Variants in FER observed in about 807,000 individuals in gnomAD.
FER encodes the protein FER tyrosine kinase.
Under a neutral mutation model 111.0 loss-of-function variants are expected in FER, and 63 were observed. The observed-to-expected ratio is 0.57, with a 90% CI of 0.46 to 0.70. The LOEUF (loss-of-function observed/expected upper bound fraction) is 0.70. Among genes scored for constraint, FER ranks in the 30% least tolerant of loss-of-function variants. The probability of loss-of-function intolerance (pLI) is 0.00; values close to 1 mark genes in which losing one functional copy is unlikely to be tolerated. For synonymous variants in FER, 327 were observed against 313.9 expected (o/e 1.04, Z -0.44); for missense variants, 914 against 954.0 (o/e 0.96, Z 0.55).
chr5:108,927,391 G>C (rs564216215), intron 10 of FER, among the ~76,000 whole-genome samples: 1 of 151,730 alleles, frequency 6.6e-6, no homozygotes, highest in East Asian at 1.9e-4. Flanking sequence ...CTCCCGAGTA[G>C]CTGGGACTAC....
At chr5:108,991,487 A>G (rs958024438) in intron 13 of FER, among the ~76,000 whole-genome samples, 4 of 152,290 alleles carry the variant, frequency 2.6e-5, no homozygotes, top group Admixed American at 2.6e-4. Flanking sequence ...AAGATGTATC[A>G]TTAAAAGAAA....
intron 13 of FER, among the ~76,000 whole-genome samples, chr5:108,996,587 T>C (rs911088529): frequency 6.6e-6 from 1 of 152,232 alleles, no homozygotes; most frequent in African/African-American, 2.4e-5. Context: ...GTGGTGTTAT[T>C]TCTGAGGCCT....
At chr5:108,878,170 G>T (rs1765287564) in intron 8 of FER, among the ~76,000 whole-genome samples, 1 of 152,096 alleles carries the variant, frequency 6.6e-6, no homozygotes, top group African/African-American at 2.4e-5. Context: ...GCCTCCCAAA[G>T]TGCTGCGATT....
At chr5:109,004,086 G>C (rs1765186212) in intron 13 of FER, among the ~76,000 whole-genome samples, 2 of 152,152 alleles carry the variant, frequency 1.3e-5, no homozygotes, top group Admixed American at 1.3e-4. Flanking sequence ...ATGAGGAAGT[G>C]AGCACTCTCA....
chr5:109,116,252 C>T (rs1463504394), intron 17 of FER, among the ~76,000 whole-genome samples: 1 of 151,894 alleles, frequency 6.6e-6, no homozygotes, highest in Non-Finnish European at 1.5e-5. Context: ...ATGATGTTTG[C>T]CAGTTTTCTT....
intron 18 of FER, among the ~76,000 whole-genome samples, chr5:109,185,836 G>A (rs969538573): frequency 1.3e-5 from 2 of 152,118 alleles, no homozygotes; most frequent in African/African-American, 2.4e-5. Context: ...GCGTCGTTAC[G>A]CAGTTTCATC....
chr5:109,023,590 T>C (rs1399678163), intron 13 of FER, among the ~76,000 whole-genome samples: 7 of 152,156 alleles, frequency 4.6e-5, no homozygotes. Flanking sequence ...TGCCAATCTA[T>C]CTAAATGGTT....
At chr5:108,876,404 C>T (rs1367515877) in intron 8 of FER, among the ~76,000 whole-genome samples, 2 of 152,208 alleles carry the variant, frequency 1.3e-5, no homozygotes, top group Non-Finnish European at 2.9e-5. Context: ...ACACTCATTA[C>T]TTCACACATC....
intron 13 of FER, among the ~76,000 whole-genome samples, chr5:109,008,972 AAACAACAAC>A (rs375685208): frequency 2.6e-5 from 4 of 151,774 alleles, no homozygotes; most frequent in Admixed American, 6.6e-5. Flanking sequence ...CTCCATCTCA[AAACAACAAC>A]AACAACAACA....
chr5:109,098,354 CAGG>C (rs1561891925), intron 16 of FER, among the ~76,000 whole-genome samples: 1 of 151,542 alleles, frequency 6.6e-6, no homozygotes, highest in Non-Finnish European at 1.5e-5. Flanking sequence ...TTTTAAAAGG[CAGG>C]AGGCAGATGA....
At chr5:108,875,633 T>C (rs2150258621) in intron 8 of FER, among the ~76,000 whole-genome samples, 1 of 152,308 alleles carries the variant, frequency 6.6e-6, no homozygotes, top group South Asian at 2.1e-4. Context: ...TTTCGTGCTT[T>C]TTGTCATTAT....
At chr5:108,766,372 G>C (rs964363691) in intron 1 of FER, among the ~76,000 whole-genome samples, 1 of 152,178 alleles carries the variant, frequency 6.6e-6, no homozygotes, top group Non-Finnish European at 1.5e-5. Flanking sequence ...CATTCATTTG[G>C]TAGTCACTTG....
At chr5:109,041,506 T>C (rs1032791065) in intron 14 of FER, among the ~76,000 whole-genome samples, 2 of 151,410 alleles carry the variant, frequency 1.3e-5, no homozygotes, top group Admixed American at 6.6e-5. Flanking sequence ...CAACCGGAAG[T>C]TGAAATGAAT....
At position 109,167,190 on chromosome 5, in the gene FER, G is replaced by A. The variant is rs139494472; in HGVS notation, c.2049-13557G>A. Among the ~76,000 whole-genome samples, 1,234 of 152,200 alleles carry A rather than the reference G, an allele frequency of 8.1e-3. 12 individuals carry two copies. Among genetic ancestry groups the A allele is most frequent in the African/African-American group, 0.029 (1,195 of 41,528 alleles). ...ATGAGTAAGATCTCAATAAATGAATGGTGTGCCAGCTGGTTGATACGTACA... is the reference window on the plus strand; with the variant it reads ...ATGAGTAAGATCTCAATAAATGAATAGTGTGCCAGCTGGTTGATACGTACA... On this transcript the variant is annotated intron_variant, in intron 17 of 19. Coordinates refer to ENST00000281092, the MANE Select transcript of FER (RefSeq NM_005246.4).
intron 2 of FER, among the ~76,000 whole-genome samples, chr5:108,779,660 T>C (rs1753839291): frequency 6.6e-6 from 1 of 152,210 alleles, no homozygotes; most frequent in African/African-American, 2.4e-5. Context: ...ATTGCTGTAA[T>C]TGCATATTAG....
At chr5:108,788,320 G>A (rs189884425) in intron 2 of FER, among the ~76,000 whole-genome samples, 17 of 152,114 alleles carry the variant, frequency 1.1e-4, no homozygotes, top group Admixed American at 5.2e-4. Flanking sequence ...CAGATCCCGC[G>A]CTTGCTCACT....
chr5:109,183,798 C>A lies in FER; in HGVS notation c.2204-2402C>A, dbSNP rs192024141. On this transcript the variant is annotated intron_variant, in intron 18 of 19. Transcript: ENST00000281092. ...TGGGGGGTGGGGCATAGAATTAAAC[C>A]TGTTGTCACTGCGTTATCATAAGTG... Among the ~76,000 whole-genome samples, 364 of 152,172 alleles carry A rather than the reference C, an allele frequency of 2.4e-3. 1 individual carries two copies. Among genetic ancestry groups the A allele is most frequent in the African/African-American group, 8.5e-3 (354 of 41,516 alleles).
intron 2 of FER, among the ~76,000 whole-genome samples, chr5:108,788,718 A>C (rs1210143867): frequency 1.3e-5 from 2 of 151,908 alleles, no homozygotes; most frequent in Non-Finnish European, 2.9e-5. Context: ...TTCATCTGTC[A>C]CCTTTAAGTA....
At chr5:109,093,457 A>T (rs1747076513) in intron 16 of FER, among the ~76,000 whole-genome samples, 1 of 152,132 alleles carries the variant, frequency 6.6e-6, no homozygotes, top group Non-Finnish European at 1.5e-5. Flanking sequence ...GTAAATTCTG[A>T]CTACGACCAA....
Sources: allele counts gnomAD v4.1 joint callset (sites outside exome capture counted in the v4.1 genomes callset), GRCh38; gene constraint gnomAD v4.1.1; transcripts MANE v1.5; gene names NCBI Gene and HGNC (gene_info 2026-07-23, HGNC 2026-07-21).